Variants in IL1RAPL1 observed in about 807,000 individuals in gnomAD.
IL1RAPL1 encodes the protein interleukin 1 receptor accessory protein like 1.
Under a neutral mutation model 48.4 loss-of-function variants are expected in IL1RAPL1, and 3 were observed. That is an observed-to-expected ratio of 0.06 (90% CI 0.03 to 0.16). The LOEUF (loss-of-function observed/expected upper bound fraction) is 0.16. IL1RAPL1 is among the 10% of genes least tolerant of loss of function. IL1RAPL1 has a pLI of 1.00. For missense variants in IL1RAPL1, 349 were observed against 530.6 expected (o/e 0.66, Z 3.36); for synonymous variants, 185 against 187.7 (o/e 0.99, Z 0.12).
chrX:28,806,558 A>C (rs1302847360), intron 2 of IL1RAPL1, among the ~76,000 whole-genome samples: 1 of 111,420 alleles, frequency 9.0e-6, no homozygotes, highest in Non-Finnish European at 1.9e-5. Flanking sequence ...CTCAGAACGG[A>C]TCATAACAAA....
At chrX:29,402,794 T>TC (rs879911334) in intron 5 of IL1RAPL1, among the ~76,000 whole-genome samples, 1 of 111,117 alleles carries the variant, frequency 9.0e-6, no homozygotes, top group Non-Finnish European at 1.9e-5. Flanking sequence ...CATTTTTTTT[T>TC]ATTTTTGATG....
rs1187342808 is a variant in IL1RAPL1 at position 29,144,821 on chromosome X, G to A, written c.83-138117G>A. Among the ~76,000 whole-genome samples the A allele has an allele frequency of 2.8e-5, 3 of 105,761 alleles. No individual in the cohort carries two copies. The East Asian group carries it at 9.1e-4, about 32-fold the overall frequency. The allele number at this position is 105,761 out of a possible 115,157, so 91.8% of individuals were successfully genotyped here. On this transcript the variant is annotated intron_variant, in intron 2 of 10. Coordinates refer to ENST00000378993, the MANE Select transcript of IL1RAPL1 (RefSeq NM_014271.4). ...AGCTCACTTCAACCTCCGCCTCCCG[G>A]GTTCAAGGAATTCTCCTGCCTCAGC...
intron 2 of IL1RAPL1, among the ~76,000 whole-genome samples, chrX:28,802,350 A>G (rs762136217): frequency 6.2e-5 from 7 of 112,305 alleles, no homozygotes; most frequent in African/African-American, 9.7e-5. Context: ...TAAGACATCT[A>G]TGCAAGACAC....
intron 5 of IL1RAPL1, among the ~76,000 whole-genome samples, chrX:29,417,618 A>G (rs1166009913): frequency 3.6e-5 from 4 of 111,984 alleles, no homozygotes; most frequent in South Asian, 3.6e-4. Context: ...AATGGCATCA[A>G]AGATTGTTTA....
At chrX:29,703,401 G>A (rs1927105912) in intron 6 of IL1RAPL1, among the ~76,000 whole-genome samples, 1 of 110,362 alleles carries the variant, frequency 9.1e-6, no homozygotes, top group African/African-American at 3.3e-5. Flanking sequence ...AGAGTGCGGT[G>A]GCGTGATCTC....
intron 2 of IL1RAPL1, among the ~76,000 whole-genome samples, chrX:29,153,617 A>G (rs1929510008): frequency 1.8e-5 from 2 of 112,680 alleles, no homozygotes; most frequent in Middle Eastern, 4.6e-3. Context: ...TGTACACATA[A>G]TAGTTCTGCT....
chrX:29,879,193 A>C (rs777333888), intron 6 of IL1RAPL1, among the ~76,000 whole-genome samples: 1 of 111,105 alleles, frequency 9.0e-6, no homozygotes, highest in African/African-American at 3.3e-5. Context: ...TTTATATGAC[A>C]TTCAGGAAAA....
At chrX:28,969,615 G>C (rs1178146425) in intron 2 of IL1RAPL1, among the ~76,000 whole-genome samples, 2 of 109,553 alleles carry the variant, frequency 1.8e-5, no homozygotes, top group South Asian at 3.9e-4. Context: ...TACAATCTTG[G>C]CTGGTCTTGG....
intron 5 of IL1RAPL1, among the ~76,000 whole-genome samples, chrX:29,465,777 A>G (rs1330142916): frequency 9.0e-6 from 1 of 111,657 alleles, no homozygotes; most frequent in Non-Finnish European, 1.9e-5. Flanking sequence ...TTGGCAAACT[A>G]TTAGTGATTT....
chrX:29,010,437 G>C (rs750854715), intron 2 of IL1RAPL1, among the ~76,000 whole-genome samples: 4 of 111,222 alleles, frequency 3.6e-5, no homozygotes, highest in Non-Finnish European at 7.5e-5. Flanking sequence ...GGTTTCCGGA[G>C]GGTTTTTATC....
At chrX:29,284,017 G>A (rs1015287816) in intron 3 of IL1RAPL1, among the ~76,000 whole-genome samples, 3 of 112,706 alleles carry the variant, frequency 2.7e-5, no homozygotes, top group South Asian at 3.6e-4. Context: ...GAACATTAGC[G>A]AAGCTGGGTA....
intron 1 of IL1RAPL1, among the ~76,000 whole-genome samples, chrX:28,606,432 A>G (rs756294210): frequency 2.4e-4 from 27 of 111,919 alleles, no homozygotes; most frequent in Non-Finnish European, 4.7e-4. Context: ...TTGAAGTTTT[A>G]CCAATACCAC....
intron 6 of IL1RAPL1, among the ~76,000 whole-genome samples, chrX:29,898,232 G>A (rs1342950023): frequency 8.9e-6 from 1 of 112,005 alleles, no homozygotes; most frequent in Non-Finnish European, 1.9e-5. Context: ...CTGCTCACAA[G>A]AATCGTAGTT....
intron 2 of IL1RAPL1, among the ~76,000 whole-genome samples, chrX:29,225,159 T>C (rs2147553007): frequency 8.9e-6 from 1 of 112,376 alleles, no homozygotes; most frequent in Admixed American, 9.5e-5. Context: ...AAGTGACAAA[T>C]GGAGCACAGA....
chrX:29,512,541 T>G (rs1407245772), intron 5 of IL1RAPL1, among the ~76,000 whole-genome samples: 1 of 111,667 alleles, frequency 9.0e-6, no homozygotes. Flanking sequence ...TTAGGTGTGT[T>G]GTACTGTTGC....
chrX:29,178,175 T>G (rs1474947013), intron 2 of IL1RAPL1, among the ~76,000 whole-genome samples: 1 of 111,983 alleles, frequency 8.9e-6, no homozygotes, highest in Non-Finnish European at 1.9e-5. Flanking sequence ...CCACACTGTC[T>G]TTCACAATGG....
At position 29,452,541 on chromosome X, in the gene IL1RAPL1, A is replaced by G. The variant is rs1344067921; in HGVS notation, c.703+53233A>G. On this transcript the variant is annotated intron_variant, in intron 5 of 10. Coordinates refer to ENST00000378993, the MANE Select transcript of IL1RAPL1 (RefSeq NM_014271.4). ...TATACCTAGCAATACAGAAAATGATATGTTTTTTCTTGTGGATGGTACAGC... is the reference window on the plus strand; with the variant it reads ...TATACCTAGCAATACAGAAAATGATGTGTTTTTTCTTGTGGATGGTACAGC... Among the ~76,000 whole-genome samples the G allele has an allele frequency of 6.3e-5, 7 of 111,687 alleles. No homozygotes were observed. In the East Asian group the frequency reaches 2.0e-3, roughly 31 times the overall value.
intron 6 of IL1RAPL1, among the ~76,000 whole-genome samples, chrX:29,884,053 C>G (rs1434456361): frequency 9.0e-6 from 1 of 111,409 alleles, no homozygotes; most frequent in African/African-American, 3.3e-5. Context: ...AGCCACTCAC[C>G]TAACTGCAGG....
At chrX:28,918,405 G>A (rs902416162) in intron 2 of IL1RAPL1, among the ~76,000 whole-genome samples, 1 of 112,173 alleles carries the variant, frequency 8.9e-6, no homozygotes, top group African/African-American at 3.2e-5. Flanking sequence ...ATTTTTATCT[G>A]AAACGGATGC....
Sources: gnomAD v4.1 joint callset for allele counts (sites outside exome capture counted in the v4.1 genomes callset) on GRCh38, gnomAD v4.1.1 for gene constraint, MANE v1.5 for transcripts, NCBI Gene and HGNC (gene_info 2026-07-23, HGNC 2026-07-21) for gene names.